Variants in RELN observed in about 807,000 individuals in gnomAD.
RELN encodes reelin.
In RELN, 108 loss-of-function variants were observed where a neutral mutation model predicts 427.6. The ratio of observed to expected loss-of-function variants is 0.25; its 90% CI spans 0.22 to 0.30. RELN has a LOEUF of 0.30. RELN is among the 10% of genes least tolerant of loss of function. RELN has a pLI of 1.00. For synonymous variants in RELN, 1,524 were observed against 1,513.4 expected, an observed-to-expected ratio of 1.01 and a Z score of -0.16; for missense variants, 3,715 against 4,302.8, an observed-to-expected ratio of 0.86 and a Z score of 3.82.
At chr7:103,565,166 A>G in intron 34 of RELN, 112 bp downstream of exon 34, 3 of 1,365,392 alleles carry the variant, frequency 2.2e-6, no homozygotes, top group Admixed American at 1.7e-5. Context: ...TGGCACTTCC[A>G]TGCATAATTA....
chr7:103,505,777 TAACA>T (rs1829188829), intron 51 of RELN, among the ~76,000 whole-genome samples: 1 of 151,990 alleles, frequency 6.6e-6, no homozygotes, highest in African/African-American at 2.4e-5. Flanking sequence ...AGGTGGGTAA[TAACA>T]AACTCCTCCA....
intron 1 of RELN, among the ~76,000 whole-genome samples, chr7:103,921,728 T>A (rs1209406976): frequency 6.6e-6 from 1 of 152,162 alleles, no homozygotes; most frequent in Non-Finnish European, 1.5e-5. Context: ...CCATAACTAG[T>A]CCCTCCAGTC....
intron 16 of RELN, among the ~76,000 whole-genome samples, chr7:103,648,706 T>C (rs1349858513): frequency 6.6e-6 from 1 of 152,046 alleles, no homozygotes; most frequent in East Asian, 1.9e-4. Flanking sequence ...AAGGGACTAA[T>C]ATCCAGAATT....
At chr7:103,487,546 A>G (rs1039427593) in intron 60 of RELN, among the ~76,000 whole-genome samples, 1 of 151,042 alleles carries the variant, frequency 6.6e-6, no homozygotes, top group Admixed American at 6.6e-5. Context: ...ATATTGTTGG[A>G]AAAAAAATCC....
At chr7:103,927,233 C>T (rs1360602499) in intron 1 of RELN, among the ~76,000 whole-genome samples, 1 of 152,050 alleles carries the variant, frequency 6.6e-6, no homozygotes, top group African/African-American at 2.4e-5. Context: ...TTATAAAGTG[C>T]CACTCGATAC....
chr7:103,773,364 TCTCTCC>T lies in RELN; in HGVS notation c.544+3187_544+3192del, dbSNP rs1235296802. On this transcript the variant is annotated intron_variant, in intron 4 of 64. Coordinates refer to ENST00000428762, the MANE Select transcript of RELN (RefSeq NM_005045.4). ...CTTCCTCTCTCTCTCTCCCTCTCTC[TCTCTCC>T]CTCCCTCCCTCCCTCCCTCGCTCCC... is the stretch of plus-strand genomic sequence containing the variant. Among the ~76,000 whole-genome samples, 44 of 35,668 alleles carry T rather than the reference TCTCTCC, an allele frequency of 1.2e-3. 9 individuals carry two copies. The highest frequency in any genetic ancestry group is 0.012 in the African/African-American group (41 of 3,360). 23.4% of individuals were successfully genotyped at this position (35,668 alleles called of 152,430 possible).
intron 10 of RELN, among the ~76,000 whole-genome samples, chr7:103,690,149 A>G (rs1833843593): frequency 1.3e-5 from 2 of 152,156 alleles, no homozygotes; most frequent in Non-Finnish European, 2.9e-5. Flanking sequence ...AACTATGGTT[A>G]CTACTATTTA....
intron 43 of RELN, among the ~76,000 whole-genome samples, chr7:103,540,691 A>T (rs1830159107): frequency 6.6e-6 from 1 of 151,840 alleles, no homozygotes; most frequent in Admixed American, 6.6e-5. Flanking sequence ...GTGTCTAGTG[A>T]CTCTCCTCAG....
chr7:103,541,004 A>G (rs537437071), intron 43 of RELN, among the ~76,000 whole-genome samples: 1 of 152,276 alleles, frequency 6.6e-6, no homozygotes, highest in African/African-American at 2.4e-5. Flanking sequence ...GTGAAAGGCC[A>G]GGCATCTTTT....
intron 3 of RELN, among the ~76,000 whole-genome samples, chr7:103,789,745 T>C (rs1037037360): frequency 6.6e-6 from 1 of 152,164 alleles, no homozygotes; most frequent in Non-Finnish European, 1.5e-5. Context: ...GGAGTGTAAA[T>C]TAGTTCAACC....
intron 9 of RELN, 37 bp downstream of exon 9, chr7:103,700,873 G>A: frequency 7.8e-7 from 1 of 1,289,304 alleles, no homozygotes; most frequent in Non-Finnish European, 1.1e-6. Flanking sequence ...CTCCATCTAT[G>A]TCAGAATTTA....
intron 52 of RELN, among the ~76,000 whole-genome samples, chr7:103,502,405 G>C (rs1243118271): frequency 1.3e-5 from 2 of 152,164 alleles, no homozygotes; most frequent in Non-Finnish European, 2.9e-5. Context: ...TTTCTTTTGT[G>C]TATCTTTACT....
chr7:103,723,612 A>G (rs1199999858), intron 7 of RELN, among the ~76,000 whole-genome samples: 1 of 152,216 alleles, frequency 6.6e-6, no homozygotes, highest in East Asian at 1.9e-4. Context: ...GAGATAAACT[A>G]AGAACAAATG....
In RELN at chr7:103,534,226, C is replaced by A. The variant is rs958954051; in HGVS notation, c.7349+1090G>T. ...AGCCCAAACTATAACTCCTGTTCCA[C>A]ACACTGGATTGGTTGCTTTGCTTCT... On this transcript the variant is annotated intron_variant, in intron 46 of 64. Coordinates refer to ENST00000428762, the MANE Select transcript of RELN (RefSeq NM_005045.4). 2.6e-5 allele frequency among the ~76,000 whole-genome samples: 4 copies of A among 152,354 alleles called. No homozygotes were observed. The East Asian group carries it at 7.7e-4, about 29-fold the overall frequency.
At chr7:103,597,192 G>C (rs1831557757) in intron 24 of RELN, among the ~76,000 whole-genome samples, 1 of 152,172 alleles carries the variant, frequency 6.6e-6, no homozygotes, top group African/African-American at 2.4e-5. Flanking sequence ...CATGGAACTT[G>C]CTAGTACACA....
At chr7:103,545,622 C>T (rs192223221) in intron 41 of RELN, among the ~76,000 whole-genome samples, 1 of 152,038 alleles carries the variant, frequency 6.6e-6, no homozygotes, top group African/African-American at 2.4e-5. Flanking sequence ...TTGGTGAAGA[C>T]TTCTCCATCC....
chr7:103,896,134 C>T (rs1309191078), intron 2 of RELN, among the ~76,000 whole-genome samples: 1 of 152,006 alleles, frequency 6.6e-6, no homozygotes, highest in Non-Finnish European at 1.5e-5. Flanking sequence ...TGAGATAACA[C>T]CACACACCTA....
intron 2 of RELN, among the ~76,000 whole-genome samples, chr7:103,893,658 G>A (rs570497020): frequency 3.4e-4 from 52 of 152,174 alleles, no homozygotes; most frequent in Non-Finnish European, 5.3e-4. Flanking sequence ...AGTACTTTTC[G>A]AACTTCTTTT....
chr7:103,816,901 G>A (rs1298266549), intron 3 of RELN, among the ~76,000 whole-genome samples: 2 of 152,030 alleles, frequency 1.3e-5, no homozygotes, highest in Non-Finnish European at 2.9e-5. Context: ...GCCCAGGCTG[G>A]AGTGCAATGA....
Sources: gnomAD v4.1 joint callset for allele counts (sites outside exome capture counted in the v4.1 genomes callset) on GRCh38, gnomAD v4.1.1 for gene constraint, MANE v1.5 for transcripts, NCBI Gene and HGNC (gene_info 2026-07-23, HGNC 2026-07-21) for gene names.